The following MBD5 variants were observed in gnomAD, a reference collection of about 807,000 sequenced individuals.
The protein encoded by MBD5 is methyl-CpG binding domain protein 5, also known as methyl-CpG-binding domain protein 5.
MBD5 carries 13 observed loss-of-function variants against 117.3 expected under a neutral mutation model. The ratio of observed to expected loss-of-function variants is 0.11; its 90% confidence interval spans 0.07 to 0.18. The LOEUF is 0.18. Ranked by LOEUF, MBD5 falls within the 10% of genes least tolerant of loss-of-function variation. The probability of loss-of-function intolerance (pLI) is 1.00; values close to 1 mark genes in which losing one functional copy is unlikely to be tolerated. For missense variants in MBD5, 1,879 were observed against 2,093.8 expected (o/e 0.90, Z 2.00); for synonymous variants, 727 against 766.4 (o/e 0.95, Z 0.85).
chr2:148,159,124 G>T (rs1230016000), intron 1 of MBD5, among the ~76,000 whole-genome samples: 2 of 152,124 alleles, frequency 1.3e-5, no homozygotes, highest in Non-Finnish European at 2.9e-5. Context: ...ACTTTCTCTG[G>T]GTTACACAGG....
chr2:148,281,568 G>A (rs1327853267), intron 3 of MBD5, among the ~76,000 whole-genome samples: 3 of 151,098 alleles, frequency 2.0e-5, no homozygotes, highest in Non-Finnish European at 3.0e-5. Context: ...ATTTCCTCTT[G>A]CATTTTTTTA....
rs564699762 is a variant in MBD5, at chr2:148,085,993, A to G, written c.-925+64309A>G. 9.2e-5 allele frequency among the ~76,000 whole-genome samples: 14 copies of G among 152,288 alleles called. No homozygotes were observed. In the East Asian group the frequency reaches 2.7e-3, roughly 29 times the overall value. ...GGTGGAAGTACAGAGCTCAACTTCC[A>G]TGATACTGTTTATAGACTTTATATT... On this transcript the variant is annotated intron_variant, in intron 1 of 13. Transcript: ENST00000642680.
chr2:148,348,064 T>C (rs1703164236), intron 4 of MBD5, among the ~76,000 whole-genome samples: 1 of 152,044 alleles, frequency 6.6e-6, no homozygotes, highest in African/African-American at 2.4e-5. Context: ...TGTATAATGC[T>C]GTGTTTAAAG....
intron 1 of MBD5, among the ~76,000 whole-genome samples, chr2:148,140,219 C>CAG (rs947375948): frequency 6.6e-6 from 1 of 152,006 alleles, no homozygotes; most frequent in Admixed American, 6.6e-5. Flanking sequence ...TAATGAAAAG[C>CAG]ATCTTGTTTT....
At chr2:148,426,260 T>C (rs372844561) in intron 4 of MBD5, among the ~76,000 whole-genome samples, 5 of 152,110 alleles carry the variant, frequency 3.3e-5, no homozygotes, top group East Asian at 1.9e-4. Context: ...CCATCCCCAT[T>C]AAGCTACCAA....
chr2:148,432,117 A>G (rs1013139152), intron 4 of MBD5, among the ~76,000 whole-genome samples: 3 of 152,042 alleles, frequency 2.0e-5, no homozygotes, highest in African/African-American at 7.3e-5. Flanking sequence ...CATTTCTCTG[A>G]TGATTAGTGA....
chr2:148,042,082 T>C (rs1573943217), intron 1 of MBD5, among the ~76,000 whole-genome samples: 1 of 152,192 alleles, frequency 6.6e-6, no homozygotes, highest in South Asian at 2.1e-4. Flanking sequence ...CCTAAAAATA[T>C]ATGTGCAAAA....
intron 1 of MBD5, among the ~76,000 whole-genome samples, chr2:148,160,266 C>T (rs995351877): frequency 2.5e-4 from 38 of 152,052 alleles, no homozygotes; most frequent in Admixed American, 2.1e-3. Flanking sequence ...GGCATGGTGG[C>T]GGGTGCCTGT....
chr2:148,237,993 A>T (rs1027012934), intron 3 of MBD5, among the ~76,000 whole-genome samples: 1 of 152,230 alleles, frequency 6.6e-6, no homozygotes, highest in African/African-American at 2.4e-5. Flanking sequence ...TAATATAAGT[A>T]ATAAGCTTAG....
intron 1 of MBD5, among the ~76,000 whole-genome samples, chr2:148,098,250 A>T (rs898588380): frequency 2.0e-5 from 3 of 152,132 alleles, no homozygotes; most frequent in African/African-American, 4.8e-5. Context: ...AGAAACAGAT[A>T]GATTGGAGAG....
At chr2:148,447,195 GA>G (rs1270880378) in intron 4 of MBD5, among the ~76,000 whole-genome samples, 1 of 9,534 alleles carries the variant, frequency 1.0e-4, no homozygotes, top group African/African-American at 1.2e-4. Context: ...AAGAAAGAAA[GA>G]AAGAAAGAAA....
chr2:148,315,865 C>T (rs2656321), intron 3 of MBD5, among the ~76,000 whole-genome samples: 76,899 of 151,972 alleles, frequency 0.51, 19,752 homozygotes, highest in Admixed American at 0.57. Context: ...ACACCAGTTT[C>T]ATTAGTCCGT....
chr2:148,205,050 C>A (rs1699243252), intron 2 of MBD5, among the ~76,000 whole-genome samples: 1 of 151,820 alleles, frequency 6.6e-6, no homozygotes, highest in Non-Finnish European at 1.5e-5. Flanking sequence ...CACTTTTTTT[C>A]CCCAGTCTTT....
chr2:148,295,355 G>A (rs916573338), intron 3 of MBD5, among the ~76,000 whole-genome samples: 5 of 151,880 alleles, frequency 3.3e-5, no homozygotes, highest in African/African-American at 1.2e-4. Context: ...TTATTTCATT[G>A]TATTATATAT....
chr2:148,223,690 C>T (rs1699748440), intron 2 of MBD5, among the ~76,000 whole-genome samples: 1 of 151,996 alleles, frequency 6.6e-6, no homozygotes, highest in Non-Finnish European at 1.5e-5. Context: ...TTTTGCTTAA[C>T]TTTTCAAAAA....
intron 8 of MBD5, chr2:148,471,702 T>C: frequency 6.6e-6 from 1 of 152,070 alleles, no homozygotes; most frequent in South Asian, 2.1e-4. Context: ...TATTCAATGA[T>C]CTCTTATGTT....
chr2:148,222,644 A>G (rs1020432906), intron 2 of MBD5, among the ~76,000 whole-genome samples: 1 of 151,792 alleles, frequency 6.6e-6, no homozygotes, highest in African/African-American at 2.4e-5. Context: ...ATCAGTTTGA[A>G]TAGTTGTGTG....
At chr2:148,301,551 G>C (rs1303815782) in intron 3 of MBD5, among the ~76,000 whole-genome samples, 2 of 152,202 alleles carry the variant, frequency 1.3e-5, no homozygotes, top group East Asian at 3.9e-4. Context: ...CTTGGAAGAG[G>C]GCCAAACAGG....
At chr2:148,143,316 G>A (rs943470551) in intron 1 of MBD5, among the ~76,000 whole-genome samples, 14 of 152,232 alleles carry the variant, frequency 9.2e-5, no homozygotes, top group South Asian at 4.1e-4. Context: ...AAATAGGCTA[G>A]TCCCAGAGAA....
Sources: allele counts gnomAD v4.1 joint callset (sites outside exome capture counted in the v4.1 genomes callset), GRCh38; gene constraint gnomAD v4.1.1; transcripts MANE v1.5; gene names NCBI Gene and HGNC (gene_info 2026-07-23, HGNC 2026-07-21).